The following DNAJB1 variants were observed in gnomAD, a reference collection of about 807,000 sequenced individuals.
The protein encoded by DNAJB1 is DnaJ heat shock protein family (Hsp40) member B1.
In DNAJB1, 14 loss-of-function variants were observed where a neutral mutation model predicts 24.0. The ratio of observed to expected loss-of-function variants is 0.58; its 90% CI spans 0.39 to 0.91. DNAJB1 has a LOEUF of 0.91. DNAJB1 is among the 40% of genes least tolerant of loss of function. The pLI is 0.00. For synonymous variants in DNAJB1, 262 were observed against 174.4 expected (o/e 1.50, Z -3.96); for missense variants, 517 against 458.1 (o/e 1.13, Z -1.17).
upstream of DNAJB1, chr19:14,529,977 C>A: frequency 1.8e-6 from 1 of 563,806 alleles, no homozygotes. Flanking sequence ...CTTGCAGGTT[C>A]CTTGCAGCTC....
At chr19:14,537,855 C>T (rs917167432) in intron 1 of DNAJB1, among the ~76,000 whole-genome samples, 23 of 150,638 alleles carry the variant, frequency 1.5e-4, no homozygotes, top group Non-Finnish European at 3.1e-4. Flanking sequence ...AGGCGATTCT[C>T]CTGCCTTAGT....
At chr19:14,518,743 G>A (rs1006715874), upstream of DNAJB1, among the ~76,000 whole-genome samples, 3 of 152,246 alleles carry the variant, frequency 2.0e-5, no homozygotes, top group Admixed American at 2.0e-4. Flanking sequence ...CAGTAGGTCG[G>A]GACCCACAGC....
intron 1 of DNAJB1, among the ~76,000 whole-genome samples, chr19:14,547,963 C>CTTT (rs1043298294): frequency 8.0e-6 from 1 of 125,676 alleles, no homozygotes. Context: ...ATGGGCATTT[C>CTTT]TTTTTTTTTT....
intron 1 of DNAJB1, among the ~76,000 whole-genome samples, chr19:14,537,866 C>A (rs1249528936): frequency 6.6e-6 from 1 of 150,578 alleles, no homozygotes; most frequent in Non-Finnish European, 1.5e-5. Context: ...CTGCCTTAGT[C>A]TCCCGAGTAG....
At chr19:14,541,328 C>A (rs2073090366) in intron 1 of DNAJB1, among the ~76,000 whole-genome samples, 1 of 152,180 alleles carries the variant, frequency 6.6e-6, no homozygotes, top group South Asian at 2.1e-4. Context: ...TCCATCCTGC[C>A]CGTGGCTGTC....
chr19:14,556,923 A>G (rs890282577), intron 1 of DNAJB1, among the ~76,000 whole-genome samples: 2 of 151,754 alleles, frequency 1.3e-5, no homozygotes, highest in Admixed American at 1.3e-4. Flanking sequence ...GTATCTCGCT[A>G]TTGTTAGGGT....
chr19:14,546,112 A>G (rs558840543), intron 1 of DNAJB1, among the ~76,000 whole-genome samples: 1 of 152,292 alleles, frequency 6.6e-6, no homozygotes, highest in South Asian at 2.1e-4. Flanking sequence ...CTGGGGACCA[A>G]GTCCTTCTGC....
rs747895349 is a variant in DNAJB1 at position 14,516,673 on chromosome 19, C to T, written c.585G>A (p.Lys195=). The change falls in exon 2 of 3, where the codon AAG becomes AAA. Residue 195 remains lysine, a synonymous_variant. Coordinates refer to ENST00000254322, the MANE Select transcript of DNAJB1 (RefSeq NM_006145.3). ...ATATTTTGTCTTCGTTTCGAATGCT[C>T]TTTCCGTCGGGGTTTAGCCGCTTGT... ...ISHKRLNPDG[K]SIRNEDKILT... is the part of the protein sequence containing the mutation. 2 of 1,614,102 alleles carry T rather than the reference C, an allele frequency of 1.2e-6. No individual in the cohort carries two copies. The highest frequency in any genetic ancestry group is 2.2e-5 in the South Asian group (2 of 91,076).
At position 14,518,292 on chromosome 19, in the gene DNAJB1, T is replaced by G; in HGVS notation, c.58A>C (p.Ile20Leu). ...GCCTGGCGGCGGTAGGCCCGCTTGA[T>G]CTCCTCGTCCGACGCGCCGCGGGCC... ...GLARGASDEE[I>L]KRAYRRQALR... Residue 20 changes from isoleucine to leucine, a missense_variant, in exon 1 of 3, where the codon ATC (isoleucine) becomes CTC (leucine). By Grantham distance (5) the Ile-to-Leu change is conservative (BLOSUM62 2). Transcript: ENST00000254322. The G allele has an allele frequency of 1.2e-6, 2 of 1,609,358 alleles. No individual in the cohort carries two copies. The highest frequency in any genetic ancestry group is 1.7e-6 in the Non-Finnish European group (2 of 1,179,010).
chr19:14,560,207 G>T (rs548978548), exon 1 of DNAJB1, among the ~76,000 whole-genome samples: 19 of 152,314 alleles, frequency 1.2e-4, no homozygotes, highest in African/African-American at 4.1e-4. Flanking sequence ...CCCTGGTTTG[G>T]TGCCCAGGTT....
rs112138127 is a variant in DNAJB1 at position 14,535,590 on chromosome 19, G to A, written c.-213-7780C>T. 9.3e-3 allele frequency among the ~76,000 whole-genome samples: 251 copies of A among 26,930 alleles called. 4 individuals are homozygous for A. Among genetic ancestry groups the A allele is most frequent in the African/African-American group, 0.025 (203 of 8,076 alleles). The allele number at this position is 26,930 out of a possible 152,430, so 17.7% of individuals were successfully genotyped here. A position where few individuals can be genotyped will look rare whatever the true frequency, so the allele number is the denominator to read the frequency against. The stretch of plus-strand genomic sequence containing the variant: ...TATATATATATATATATATATATAT[G>A]TATGTATATATAAATTAGCCAGGCA... On this transcript the variant is annotated intron_variant, in intron 1 of 3. Coordinates refer to the DNAJB1 transcript ENST00000676982.
chr19:14,533,098 C>T (rs151111730), upstream of DNAJB1, among the ~76,000 whole-genome samples: 594 of 140,576 alleles, frequency 4.2e-3, 5 homozygotes, highest in African/African-American at 0.014. Context: ...GGTGACAGAG[C>T]GAGACTCTGT....
upstream of DNAJB1, among the ~76,000 whole-genome samples, chr19:14,533,008 G>A (rs572125069): frequency 3.3e-5 from 5 of 152,180 alleles, no homozygotes; most frequent in East Asian, 9.7e-4. Context: ...TACTGGCTTC[G>A]AGGCTGAGGA....
chr19:14,546,444 A>C (rs1277895991), intron 1 of DNAJB1, among the ~76,000 whole-genome samples: 1 of 152,146 alleles, frequency 6.6e-6, no homozygotes, highest in Non-Finnish European at 1.5e-5. Flanking sequence ...AAAATTAACC[A>C]GGTGCAGTGG....
chr19:14,558,686 CA>C (rs1330557752), intron 1 of DNAJB1, among the ~76,000 whole-genome samples: 1 of 152,134 alleles, frequency 6.6e-6, no homozygotes, highest in Non-Finnish European at 1.5e-5. Flanking sequence ...TGCCCGTGGC[CA>C]GTGCTGGGAC....
At chr19:14,560,164 C>A (rs560304948) in exon 1 of DNAJB1, among the ~76,000 whole-genome samples, 1 of 152,198 alleles carries the variant, frequency 6.6e-6, no homozygotes. Flanking sequence ...AGCAGCTAGC[C>A]GGGACCCCGA....
chr19:14,537,223 C>A (rs1474418097), intron 1 of DNAJB1, among the ~76,000 whole-genome samples: 7 of 87,534 alleles, frequency 8.0e-5, no homozygotes, highest in Admixed American at 4.4e-4. Context: ...GAGGAGGAGG[C>A]GGGGCAAGAA....
intron 1 of DNAJB1, chr19:14,517,456 A>C: frequency 5.9e-6 from 1 of 168,388 alleles, no homozygotes; most frequent in Non-Finnish European, 1.3e-5. Flanking sequence ...ACAAAAATAA[A>C]TAGGGAGTTT....
chr19:14,533,885 A>AT (rs1254961378), upstream of DNAJB1: 1 of 152,116 alleles, frequency 6.6e-6, no homozygotes, highest in Non-Finnish European at 1.5e-5. Context: ...AGGATACAGT[A>AT]TTTTTTTAAT....
Sources: allele counts gnomAD v4.1 joint callset (sites outside exome capture counted in the v4.1 genomes callset), GRCh38; gene constraint gnomAD v4.1.1; transcripts MANE v1.5; gene names NCBI Gene and HGNC (gene_info 2026-07-23, HGNC 2026-07-21).